SYTL4: variants seen among roughly 807,000 people sequenced by gnomAD.
SYTL4 encodes the protein synaptotagmin like 4, also known as synaptotagmin-like protein 4.
A neutral mutation model predicts 52.7 loss-of-function variants in SYTL4; 16 were observed. The ratio of observed to expected loss-of-function variants is 0.30; its 90% CI spans 0.21 to 0.46. SYTL4 has a LOEUF of 0.46. Among genes scored for constraint, SYTL4 ranks in the 20% least tolerant of loss-of-function variants. SYTL4 has a pLI of 1.00. For synonymous variants in SYTL4, 160 were observed against 186.6 expected (o/e 0.86, Z 1.16); for missense variants, 423 against 519.9 (o/e 0.81, Z 1.81).
intron 8 of SYTL4, among the ~76,000 whole-genome samples, chrX:100,695,228 C>G (rs900262626): frequency 9.0e-6 from 1 of 111,697 alleles, no homozygotes; most frequent in Non-Finnish European, 1.9e-5. Context: ...GCCCTGGGCT[C>G]TAACTATCTG....
chrX:100,729,171 C>T lies in SYTL4; in HGVS notation c.-240+2247G>A, dbSNP rs186913331. 4.0e-3 allele frequency among the ~76,000 whole-genome samples: 448 copies of T among 111,368 alleles called. 2 individuals are homozygous for T. Among genetic ancestry groups the T allele is most frequent in the African/African-American group, 0.014 (427 of 30,612 alleles). ...CTGGGGCAAACTTACACCTGTAGGG[C>T]GACAAACTGGGTAGGCTTAGTTTCA... On this transcript the variant is annotated intron_variant, in intron 2 of 19. Coordinates refer to ENST00000372989, the MANE Select transcript of SYTL4 (RefSeq NM_001370165.1).
In SYTL4 at chrX:100,700,892, C is replaced by T; in HGVS notation, c.539+5G>A. On this transcript the variant is annotated splice_donor_5th_base_variant and intron_variant, in intron 8 of 19. Coordinates refer to ENST00000372989, the MANE Select transcript of SYTL4 (RefSeq NM_001370165.1). The stretch of plus-strand genomic sequence containing the variant: ...CATTTCTTTAAACAATTACTTGATT[C>T]TTACCTGGGCTCCTTCTGCCGCTCC... 1 of 1,190,045 alleles carries T rather than the reference C, an allele frequency of 8.4e-7. No individual in the cohort carries two copies. Among genetic ancestry groups the T allele is most frequent in the East Asian group, 3.0e-5 (1 of 33,770 alleles).
At chrX:100,682,864 A>C (rs769807316) in intron 16 of SYTL4, among the ~76,000 whole-genome samples, 1 of 112,153 alleles carries the variant, frequency 8.9e-6, no homozygotes, top group Admixed American at 9.5e-5. Context: ...GCCAAGAGAC[A>C]GAAATCAAGC....
intron 8 of SYTL4, among the ~76,000 whole-genome samples, chrX:100,699,469 T>C (rs1445605864): frequency 9.6e-6 from 1 of 104,238 alleles, no homozygotes; most frequent in Non-Finnish European, 1.9e-5. Flanking sequence ...TGAATGTTCA[T>C]AGCAGCATTA....
chrX:100,682,024 G>C (rs2083384307), intron 16 of SYTL4, among the ~76,000 whole-genome samples: 1 of 111,992 alleles, frequency 8.9e-6, no homozygotes, highest in African/African-American at 3.2e-5. Context: ...CATTTTGTTT[G>C]ATGACTGTCT....
intron 19 of SYTL4, 81 bp from the exon 20 acceptor site, chrX:100,676,257 G>T: frequency 9.3e-7 from 1 of 1,073,646 alleles, no homozygotes; most frequent in Non-Finnish European, 1.3e-6. Context: ...AGCAAGATTA[G>T]CCACCCCATA....
At chrX:100,689,753 T>C in intron 12 of SYTL4, 103 bp downstream of exon 12, 1 of 460,137 alleles carries the variant, frequency 2.2e-6, no homozygotes, top group Non-Finnish European at 3.6e-6. Context: ...TGTTGCCTTT[T>C]CTTAAAGAAT....
intron 8 of SYTL4, among the ~76,000 whole-genome samples, chrX:100,699,741 G>A (rs778125248): frequency 6.9e-5 from 7 of 100,940 alleles, no homozygotes; most frequent in South Asian, 9.9e-4. Context: ...TGATCCACCC[G>A]CCTCAGCCTC....
chrX:100,722,662 C>CTAAATAAATAAA (rs57321237), intron 2 of SYTL4, among the ~76,000 whole-genome samples: 104 of 109,830 alleles, frequency 9.5e-4, no homozygotes, highest in African/African-American at 2.8e-3. Flanking sequence ...CAAGTCCTTC[C>CTAAATAAATAAA]TAAATAAATA....
chrX:100,709,521 A>T (rs1313904492), intron 2 of SYTL4, among the ~76,000 whole-genome samples: 1 of 110,867 alleles, frequency 9.0e-6, no homozygotes, highest in Non-Finnish European at 1.9e-5. Context: ...AACAAACAAA[A>T]AGCTTGGAAT....
rs1556016136 is a variant in SYTL4 at position 100,675,889 on chromosome X, T to TACATACAC, written c.*138_*139insGTGTATGT. The TACATACAC allele has an allele frequency of 5.0e-5, 20 of 401,662 alleles. No homozygotes were observed. The highest frequency in any genetic ancestry group is 1.0e-4 in the Admixed American group (2 of 19,606). 33.1% of individuals were successfully genotyped at this position (401,662 alleles called of 1,213,427 possible). ...GAGATTTGCAGAAAATACATGTTTG[T>TACATACAC]ACACATACACACACACACACACACA... On this transcript the variant is annotated 3_prime_UTR_variant, in exon 20 of 20. Transcript: ENST00000372989.
chrX:100,689,760 G>T lies in SYTL4; in HGVS notation c.912+96C>A, dbSNP rs929653232. On this transcript the variant is annotated intron_variant, in intron 12 of 19. Coordinates refer to ENST00000372989, the MANE Select transcript of SYTL4 (RefSeq NM_001370165.1). ...AAGTTTCATGTTGCCTTTTCTTAAA[G>T]AATTAAATAGGTTGACTGAGAATAT... 2.3e-5 allele frequency: 10 copies of T among 436,910 alleles called. No homozygotes were observed. In the Admixed American group the frequency reaches 4.6e-4, roughly 20 times the overall value. The allele number at this position is 436,910 out of a possible 1,213,427, so 36.0% of individuals were successfully genotyped here. A position where few individuals can be genotyped will look rare whatever the true frequency, so the allele number is the denominator to read the frequency against.
At chrX:100,714,765 T>C (rs2084166267) in intron 2 of SYTL4, among the ~76,000 whole-genome samples, 1 of 111,648 alleles carries the variant, frequency 9.0e-6, no homozygotes, top group Admixed American at 9.6e-5. Flanking sequence ...AGTAAGTGCA[T>C]CCAAACAATA....
At chrX:100,696,567 T>A (rs887210349) in intron 8 of SYTL4, among the ~76,000 whole-genome samples, 3 of 112,020 alleles carry the variant, frequency 2.7e-5, no homozygotes, top group Non-Finnish European at 5.6e-5. Context: ...TGTTCAAATT[T>A]TTTGTGCATT....
rs745402438 is a variant in SYTL4, at chrX:100,676,076, C to T, written c.1968G>A (p.Gly656=). The change falls in exon 20 of 20, where the codon GGG becomes GGA. Residue 656 remains glycine, a synonymous_variant. Coordinates refer to ENST00000372989, the MANE Select transcript of SYTL4 (RefSeq NM_001370165.1). ...CCATTGAGGAACGGAGCTGCAGAGT[C>T]CCTTCTGCCCAAGACCCTGGGTACT... is the stretch of plus-strand genomic sequence containing the variant. The part of the protein sequence containing the change: ...MRQYPGSWAE[G]TLQLRSSMAK... 7 of 1,208,634 alleles carry T rather than the reference C, an allele frequency of 5.8e-6. No homozygotes were observed. The East Asian group carries it at 2.1e-4, about 36-fold the overall frequency.
chrX:100,714,025 G>A lies in SYTL4; in HGVS notation c.-239-9139C>T, dbSNP rs1046285814. On this transcript the variant is annotated intron_variant, in intron 2 of 19. Coordinates refer to ENST00000372989, the MANE Select transcript of SYTL4 (RefSeq NM_001370165.1). Reference sequence around the variant, plus strand: ...CACAAGGAAACTTTTGGAGGTGATAGATGTTCAATATCTTAATTCTGGTGA... The same window carrying A: ...CACAAGGAAACTTTTGGAGGTGATAAATGTTCAATATCTTAATTCTGGTGA... Among the ~76,000 whole-genome samples, 10 of 111,339 alleles carry A rather than the reference G, an allele frequency of 9.0e-5. No individual in the cohort carries two copies. The East Asian group carries it at 2.3e-3, about 25-fold the overall frequency.
chrX:100,685,884 T>C, intron 16 of SYTL4, 106 bp downstream of exon 16: 1 of 833,862 alleles, frequency 1.2e-6, no homozygotes, highest in Non-Finnish European at 1.6e-6. Context: ...GCACTAGAAC[T>C]CCAGAGAAGA....
At chrX:100,716,116 C>T (rs1366029178) in intron 2 of SYTL4, among the ~76,000 whole-genome samples, 5 of 108,576 alleles carry the variant, frequency 4.6e-5, no homozygotes, top group East Asian at 5.8e-4. Context: ...AATCTAGTAC[C>T]GATGGGCGGG....
chrX:100,714,299 G>A (rs1327288844), intron 2 of SYTL4, among the ~76,000 whole-genome samples: 1 of 101,330 alleles, frequency 9.9e-6, no homozygotes, highest in African/African-American at 3.7e-5. Flanking sequence ...TCTTGCTGTT[G>A]CCCAGGCTGG....
Sources: allele counts gnomAD v4.1 joint callset (sites outside exome capture counted in the v4.1 genomes callset), GRCh38; gene constraint gnomAD v4.1.1; transcripts MANE v1.5; gene names NCBI Gene and HGNC (gene_info 2026-07-23, HGNC 2026-07-21).